ROBO2: variants seen among roughly 807,000 people sequenced by gnomAD.
ROBO2 encodes the protein roundabout guidance receptor 2, also known as roundabout homolog 2.
In ROBO2, 53 loss-of-function variants were observed where a neutral mutation model predicts 160.8. That is an observed-to-expected ratio of 0.33 (90% confidence interval 0.26 to 0.41). The LOEUF is 0.41. ROBO2 is among the 10% of genes least tolerant of loss of function. ROBO2 has a pLI of 1.00. For synonymous variants in ROBO2, 664 were observed against 611.7 expected, an observed-to-expected ratio of 1.09 and a Z score of -1.26; for missense variants, 1,577 against 1,722.4, an observed-to-expected ratio of 0.92 and a Z score of 1.49.
chr3:76,335,842 T>C (rs7614918), intron 2 of ROBO2, among the ~76,000 whole-genome samples: 15,711 of 152,124 alleles, frequency 0.1, 885 homozygotes, highest in African/African-American at 0.13. Flanking sequence ...TCCCAAAGTG[T>C]TGGGATTACA....
At chr3:77,486,844 C>T (rs954923645) in intron 4 of ROBO2, among the ~76,000 whole-genome samples, 15 of 152,060 alleles carry the variant, frequency 9.9e-5, no homozygotes, top group Non-Finnish European at 1.5e-4. Flanking sequence ...CCATCCCCCA[C>T]CACCATGGCT....
chr3:77,453,581 C>G (rs755269528), intron 2 of ROBO2, among the ~76,000 whole-genome samples: 2 of 151,882 alleles, frequency 1.3e-5, no homozygotes, highest in Non-Finnish European at 2.9e-5. Context: ...AGACTTTTTC[C>G]TTTGTCAAGC....
intron 2 of ROBO2, among the ~76,000 whole-genome samples, chr3:76,636,229 GTGTTA>G (rs1475248793): frequency 6.6e-6 from 1 of 152,084 alleles, no homozygotes; most frequent in Non-Finnish European, 1.5e-5. Flanking sequence ...AAATTGATGA[GTGTTA>G]TTTTCAGATA....
At chr3:76,034,264 T>C (rs1441462824) in intron 2 of ROBO2, among the ~76,000 whole-genome samples, 2 of 152,212 alleles carry the variant, frequency 1.3e-5, no homozygotes, top group African/African-American at 4.8e-5. Flanking sequence ...AAAAAAAATA[T>C]GTATCTGCTC....
intron 1 of ROBO2, among the ~76,000 whole-genome samples, chr3:75,935,215 A>G (rs1029222608): frequency 6.6e-6 from 1 of 152,216 alleles, no homozygotes; most frequent in Non-Finnish European, 1.5e-5. Flanking sequence ...TAAATTTATA[A>G]GTAAAATTAA....
chr3:77,149,582 A>G (rs1045697086), intron 2 of ROBO2, among the ~76,000 whole-genome samples: 8 of 152,186 alleles, frequency 5.3e-5, no homozygotes, highest in African/African-American at 1.9e-4. Context: ...TAGGAGATTT[A>G]GATGTGTCTG....
chr3:76,207,285 C>T (rs760019609), intron 2 of ROBO2, among the ~76,000 whole-genome samples: 4 of 152,032 alleles, frequency 2.6e-5, no homozygotes, highest in Non-Finnish European at 5.9e-5. Context: ...GATATGTTTA[C>T]AAATTAGTGG....
chr3:76,876,734 A>G (rs2072771794), intron 2 of ROBO2, among the ~76,000 whole-genome samples: 1 of 152,168 alleles, frequency 6.6e-6, no homozygotes, highest in Non-Finnish European at 1.5e-5. Flanking sequence ...ATTGCAAAGA[A>G]ATACAGGGTT....
At chr3:76,213,946 T>C (rs1269630612) in intron 2 of ROBO2, among the ~76,000 whole-genome samples, 1 of 152,124 alleles carries the variant, frequency 6.6e-6, no homozygotes, top group Non-Finnish European at 1.5e-5. Context: ...TAGATATAGA[T>C]ATACATAAGA....
intron 2 of ROBO2, among the ~76,000 whole-genome samples, chr3:76,744,510 C>A (rs113839741): frequency 4.7e-4 from 71 of 152,162 alleles, no homozygotes; most frequent in African/African-American, 1.7e-3. Context: ...CAGGCATGCA[C>A]TACCATGACC....
At chr3:76,239,564 T>C (rs1705166094) in intron 2 of ROBO2, among the ~76,000 whole-genome samples, 1 of 152,150 alleles carries the variant, frequency 6.6e-6, no homozygotes, top group African/African-American at 2.4e-5. Context: ...TCTCTTGACC[T>C]TGGGCACATG....
intron 2 of ROBO2, among the ~76,000 whole-genome samples, chr3:77,299,783 A>G (rs1180968271): frequency 6.6e-6 from 1 of 152,132 alleles, no homozygotes; most frequent in Admixed American, 6.6e-5. Context: ...AATCAGAGGA[A>G]CAACGATAAT....
intron 2 of ROBO2, among the ~76,000 whole-genome samples, chr3:76,803,236 C>A (rs2064364212): frequency 6.6e-6 from 1 of 151,986 alleles, no homozygotes; most frequent in Admixed American, 6.6e-5. Flanking sequence ...CAGAGGAGGT[C>A]GTTAGGTTTA....
intron 1 of ROBO2, among the ~76,000 whole-genome samples, chr3:77,041,885 A>G (rs2064139448): frequency 6.6e-6 from 1 of 152,136 alleles, no homozygotes; most frequent in South Asian, 2.1e-4. Flanking sequence ...GTATTAGTCT[A>G]ACTGTTTGAG....
At position 77,644,635 on chromosome 3, in the gene ROBO2, C is replaced by G. The variant is rs900300572; in HGVS notation, c.3935-69C>G. The G allele has an allele frequency of 2.9e-6, 4 of 1,361,248 alleles. No homozygotes were observed. In the African/African-American group the frequency reaches 5.7e-5, roughly 19 times the overall value. 84.3% of individuals were successfully genotyped at this position (1,361,248 alleles called of 1,614,324 possible). A position where few individuals can be genotyped will look rare whatever the true frequency, so the allele number is the denominator to read the frequency against. On this transcript the variant is annotated intron_variant, in intron 24 of 25. Transcript: ENST00000461745. ...AGTAGGCCATTCACAGTGTTATATT[C>G]AAGAGTTAAGTTTAGTTTGCCTCCA...
intron 2 of ROBO2, among the ~76,000 whole-genome samples, chr3:76,823,627 A>T (rs1437935621): frequency 1.3e-5 from 2 of 152,196 alleles, no homozygotes; most frequent in African/African-American, 4.8e-5. Flanking sequence ...TCGCTCTCAA[A>T]GGATGTGAGG....
At chr3:76,132,396 G>GAGGC in intron 2 of ROBO2, among the ~76,000 whole-genome samples, 1 of 91,792 alleles carries the variant, frequency 1.1e-5, no homozygotes, top group South Asian at 4.2e-4. Context: ...CAGACTGTTG[G>GAGGC]GGGGGGGGGG....
intron 2 of ROBO2, among the ~76,000 whole-genome samples, chr3:77,147,767 G>C (rs2077230376): frequency 6.6e-6 from 1 of 152,150 alleles, no homozygotes; most frequent in African/African-American, 2.4e-5. Flanking sequence ...TACACAGGCA[G>C]ATAGTTACCT....
intron 2 of ROBO2, among the ~76,000 whole-genome samples, chr3:77,307,335 T>A (rs2063179267): frequency 6.6e-6 from 1 of 152,194 alleles, no homozygotes; most frequent in Non-Finnish European, 1.5e-5. Flanking sequence ...CATTAGATAA[T>A]GTTTTCTAGA....
Sources: allele counts gnomAD v4.1 joint callset (sites outside exome capture counted in the v4.1 genomes callset), GRCh38; gene constraint gnomAD v4.1.1; transcripts MANE v1.5; gene names NCBI Gene and HGNC (gene_info 2026-07-23, HGNC 2026-07-21).